MCCC1: variants seen among roughly 807,000 people sequenced by gnomAD.
MCCC1 encodes methylcrotonoyl-CoA carboxylase subunit alpha, mitochondrial.
In MCCC1, 64 loss-of-function variants were observed where a neutral mutation model predicts 83.8. That is an observed-to-expected ratio of 0.76 (90% CI 0.62 to 0.94). The LOEUF is 0.94. Among genes scored for constraint, MCCC1 ranks in the 40% least tolerant of loss-of-function variants. The pLI is 0.00. For synonymous variants in MCCC1, 322 were observed against 315.4 expected (o/e 1.02, Z -0.22); for missense variants, 807 against 904.7 (o/e 0.89, Z 1.39).
rs745631982 is a variant in MCCC1 at position 183,015,490 on chromosome 3, G to A, written c.2126C>T (p.Thr709Ile). 5.6e-6 allele frequency: 9 copies of A among 1,614,098 alleles called. No homozygotes were observed. The highest frequency in any genetic ancestry group is 7.6e-6 in the Non-Finnish European group (9 of 1,179,976). Residue 709 changes from threonine (T) to isoleucine (I), a missense_variant, in exon 19 of 19, where the codon ACT (threonine) becomes ATT (isoleucine). Coordinates refer to ENST00000265594, the MANE Select transcript of MCCC1 (RefSeq NM_020166.5). ...YREGAQANRH[T>I]PLVEFEEEES... ...TTCCTCCTCAAACTCGACTAAAGGA[G>A]TGTGTCTGTTGGCCTGAGCACCTTC...
chr3:183,059,164 A>G (rs975198398), intron 7 of MCCC1, among the ~76,000 whole-genome samples: 1 of 152,078 alleles, frequency 6.6e-6, no homozygotes, highest in Non-Finnish European at 1.5e-5. Flanking sequence ...AAAATTAGCC[A>G]GGTGTGGTGG....
At chr3:183,084,971 G>T (rs1255997000) in intron 4 of MCCC1, among the ~76,000 whole-genome samples, 1 of 152,124 alleles carries the variant, frequency 6.6e-6, no homozygotes, top group East Asian at 1.9e-4. Flanking sequence ...AAAATAAAAA[G>T]GTGTCAGATA....
intron 7 of MCCC1, among the ~76,000 whole-genome samples, chr3:183,060,664 T>C (rs113512559): frequency 0.055 from 8,344 of 152,226 alleles, 689 homozygotes; most frequent in African/African-American, 0.17. Context: ...CATGTTGGTG[T>C]GCTGCACCCA....
chr3:183,056,848 C>G (rs1715456108), intron 8 of MCCC1, among the ~76,000 whole-genome samples: 2 of 152,174 alleles, frequency 1.3e-5, no homozygotes, highest in Admixed American at 6.5e-5. Context: ...GCATGCGCCA[C>G]CAAGCCCGGC....
In MCCC1 at chr3:183,045,487, T is replaced by G; in HGVS notation, c.1009A>C (p.Asn337His). 1.2e-6 allele frequency: 2 copies of G among 1,614,140 alleles called. No homozygotes were observed. The highest frequency in any genetic ancestry group is 2.2e-5 in the South Asian group (2 of 91,080). Residue 337 changes from asparagine (N) to histidine (H), a missense_variant, in exon 10 of 19, where the codon AAT (asparagine) becomes CAT (histidine). Transcript: ENST00000265594. Reference sequence around the variant, plus strand: ...GGATGTTCCACTTGCAGCCTTGTATTCATCTCCATGAAACAGAAATTATGT... The same window carrying G: ...GGATGTTCCACTTGCAGCCTTGTATGCATCTCCATGAAACAGAAATTATGT... ...SKHNFCFMEM[N>H]TRLQVEHPVT...
intron 3 of MCCC1, chr3:183,091,120 T>A (rs1227264102): frequency 2.3e-6 from 1 of 441,454 alleles, no homozygotes; most frequent in Admixed American, 2.4e-5. Flanking sequence ...AGAAAAACAG[T>A]GGCTAGAGAG....
At position 183,071,313 on chromosome 3, in the gene MCCC1, TCCA is replaced by T; in HGVS notation, c.533_535del (p.Val178del). The T allele has an allele frequency of 6.2e-7, 1 of 1,614,192 alleles. No individual in the cohort carries two copies. The highest frequency in any genetic ancestry group is 8.5e-7 in the Non-Finnish European group (1 of 1,180,032). On this transcript the variant is annotated inframe_deletion, in exon 6 of 19. Coordinates refer to ENST00000265594, the MANE Select transcript of MCCC1 (RefSeq NM_020166.5). ...TGATTGGTCCTCACCATGATAACCC[TCCA>T]CAACAGGTACTCCAGCAGCAGCCAT... is the stretch of plus-strand genomic sequence containing the variant.
At chr3:183,099,161 G>C (rs1411373189) in intron 1 of MCCC1, 191 bp downstream of exon 1, 1 of 639,762 alleles carries the variant, frequency 1.6e-6, no homozygotes, top group Non-Finnish European at 2.7e-6. Context: ...CGGGGAGAAA[G>C]GGAAGGGCTG....
At chr3:183,048,998 C>T (rs937312481) in intron 9 of MCCC1, among the ~76,000 whole-genome samples, 2 of 152,164 alleles carry the variant, frequency 1.3e-5, no homozygotes, top group African/African-American at 2.4e-5. Flanking sequence ...TTCTAAATGA[C>T]ACCTGAATCA....
In MCCC1 at chr3:183,083,685, G is replaced by T. The variant is rs150025275; in HGVS notation, c.369+3008C>A. On this transcript the variant is annotated intron_variant, in intron 4 of 18. Coordinates refer to ENST00000265594, the MANE Select transcript of MCCC1 (RefSeq NM_020166.5). ...TAGCATATCATACATTTGCTAGAAG[G>T]TTCTTATTTAAACTAAAAAATGGTC... Among the ~76,000 whole-genome samples, 64 of 152,210 alleles carry T rather than the reference G, an allele frequency of 4.2e-4. 1 individual carries two copies. In the East Asian group the frequency reaches 0.012, roughly 28 times the overall value.
rs1418273360 is a variant in MCCC1 at position 183,037,412 on chromosome 3, A to G, written c.1400T>C (p.Ile467Thr). The G allele has an allele frequency of 2.5e-6, 4 of 1,614,128 alleles. No individual in the cohort carries two copies. The South Asian group carries it at 4.4e-5, about 18-fold the overall frequency. The change falls in exon 13 of 19, where the codon ATT becomes ACT. Residue 467 changes from isoleucine (I) to threonine (T), a missense_variant. Coordinates refer to ENST00000265594, the MANE Select transcript of MCCC1 (RefSeq NM_020166.5). ...GCCAGACAGGTTGAGTAAGAAGTCA[A>G]TGTTGGTGTGCAGTCCAACAATCTA... is the stretch of plus-strand genomic sequence containing the variant. ...QYNIVGLHTN[I>T]DFLLNLSGHP...
upstream of MCCC1, among the ~76,000 whole-genome samples, chr3:183,100,147 A>G (rs770409498): frequency 1.3e-4 from 20 of 152,226 alleles, no homozygotes; most frequent in Non-Finnish European, 1.6e-4. Context: ...TAAAATAGTT[A>G]TCTAATCAGA....
At chr3:183,045,147 C>A (rs995502103) in intron 10 of MCCC1, among the ~76,000 whole-genome samples, 2 of 149,744 alleles carry the variant, frequency 1.3e-5, no homozygotes, top group African/African-American at 4.9e-5. Context: ...GTGGCGCGAT[C>A]TCGGCTTACT....
chr3:183,020,289 T>A, intron 16 of MCCC1, 52 bp from the exon 17 acceptor site: 4 of 1,310,130 alleles, frequency 3.1e-6, no homozygotes, highest in African/African-American at 1.4e-5. Flanking sequence ...TCACTATATT[T>A]TTACTAATAT....
At chr3:183,086,668 C>A in intron 4 of MCCC1, 25 bp downstream of exon 4, 1 of 1,606,634 alleles carries the variant, frequency 6.2e-7, no homozygotes, top group Non-Finnish European at 8.5e-7. Flanking sequence ...TCCTTTTGCA[C>A]TGCAAATCTC....
intron 4 of MCCC1, among the ~76,000 whole-genome samples, chr3:183,075,929 T>C (rs1192586171): frequency 6.6e-6 from 1 of 152,220 alleles, no homozygotes; most frequent in African/African-American, 2.4e-5. Context: ...TTTTGTCAGA[T>C]GCAAACTTTG....
chr3:183,033,996 T>G lies in MCCC1; in HGVS notation c.1676A>C (p.Lys559Thr), dbSNP rs1174417265. Residue 559 changes from lysine (K) to threonine (T), a missense_variant, in exon 14 of 19, where the codon AAA becomes ACA. By Grantham distance (78) the Lys-to-Thr change is moderately conservative (BLOSUM62 -1). Coordinates refer to ENST00000265594, the MANE Select transcript of MCCC1 (RefSeq NM_020166.5). ...TTTAATGAAACATTACTTACTGTTT[T>G]TACCATCTTTAAGAGTCATGTTTCT... ...YTRNMTLKDGKNNVAIAVTYN... is the reference protein window; with the variant it reads ...YTRNMTLKDGTNNVAIAVTYN... 1 of 1,599,264 alleles carries G rather than the reference T, an allele frequency of 6.3e-7. No individual in the cohort carries two copies. The highest frequency in any genetic ancestry group is 1.7e-5 in the Admixed American group (1 of 59,970).
chr3:183,094,290 T>C (rs1266449636), intron 2 of MCCC1, among the ~76,000 whole-genome samples: 2 of 152,046 alleles, frequency 1.3e-5, no homozygotes, highest in Non-Finnish European at 2.9e-5. Flanking sequence ...CCTCAGGTGA[T>C]CCACCCACCT....
At chr3:183,020,909 A>G (rs1329733668) in intron 16 of MCCC1, among the ~76,000 whole-genome samples, 1 of 151,810 alleles carries the variant, frequency 6.6e-6, no homozygotes, top group Non-Finnish European at 1.5e-5. Flanking sequence ...AAATACAAAA[A>G]ATTAGCTGGG....
Sources: gnomAD v4.1 joint callset for allele counts (sites outside exome capture counted in the v4.1 genomes callset) on GRCh38, gnomAD v4.1.1 for gene constraint, MANE v1.5 for transcripts, NCBI Gene and HGNC (gene_info 2026-07-23, HGNC 2026-07-21) for gene names.